NPHP4: variants seen among roughly 807,000 people sequenced by gnomAD.
NPHP4 encodes the protein nephrocystin-4.
A neutral mutation model predicts 155.8 loss-of-function variants in NPHP4; 151 were observed. That is an observed-to-expected ratio of 0.97 (90% CI 0.85 to 1.11). The LOEUF is 1.11. Ranked by LOEUF, NPHP4 falls within the 50% of genes least tolerant of loss-of-function variation. NPHP4 has a pLI of 0.00. For synonymous variants in NPHP4, 845 were observed against 816.8 expected (o/e 1.03, Z -0.59); for missense variants, 1,956 against 1,925.7 (o/e 1.02, Z -0.29).
intron 16 of NPHP4, among the ~76,000 whole-genome samples, chr1:5,902,849 T>C (rs137976486): frequency 2.1e-4 from 32 of 152,318 alleles, no homozygotes; most frequent in African/African-American, 7.7e-4. Flanking sequence ...ATGGAATAAT[T>C]AGAAGCACAT....
chr1:5,873,182 G>A, intron 23 of NPHP4, 70 bp downstream of exon 23: 1 of 1,344,860 alleles, frequency 7.4e-7, no homozygotes, highest in Non-Finnish European at 1.1e-6. Context: ...GGGAGAGAAG[G>A]ACACAAGGGT....
intron 28 of NPHP4, 69 bp from the exon 29 acceptor site, chr1:5,864,102 T>G: frequency 1.3e-6 from 2 of 1,553,976 alleles, no homozygotes; most frequent in Non-Finnish European, 1.8e-6. Context: ...TTCCTCCAAG[T>G]ATTCCCTGAG....
At chr1:5,974,428 A>G (rs1653155847) in intron 3 of NPHP4, among the ~76,000 whole-genome samples, 1 of 152,234 alleles carries the variant, frequency 6.6e-6, no homozygotes, top group Non-Finnish European at 1.5e-5. Context: ...TCATTAAGGA[A>G]AGAATCCAAG....
At chr1:5,925,780 T>C (rs1458960359) in intron 11 of NPHP4, among the ~76,000 whole-genome samples, 1 of 152,140 alleles carries the variant, frequency 6.6e-6, no homozygotes, top group Admixed American at 6.5e-5. Context: ...CACATCCAGC[T>C]AATTTTTTGT....
chr1:5,905,408 A>G lies in NPHP4; in HGVS notation c.1839T>C (p.Asn613=), dbSNP rs751517244. The G allele has an allele frequency of 6.2e-7, 1 of 1,613,232 alleles. No homozygotes were observed. Among genetic ancestry groups the G allele is most frequent in the South Asian group, 1.1e-5 (1 of 91,062 alleles). The change falls in exon 15 of 30, where the codon AAT becomes AAC. Residue 613 remains asparagine, a synonymous_variant. Coordinates refer to ENST00000378156, the MANE Select transcript of NPHP4 (RefSeq NM_015102.5). The surrounding 1 kb of genome is among the most constrained non-coding windows in gnomAD (Gnocchi z 4.0). ...CGCTGACAGCCTCGGCTGGCTGTTT[A>G]TTGGCATCCAGAATCTCGGGAAAGC... ...SSGFPEILDA[N]KQPAEAVSAT...
chr1:5,973,167 G>A (rs552003811), intron 3 of NPHP4, among the ~76,000 whole-genome samples: 4 of 152,336 alleles, frequency 2.6e-5, no homozygotes, highest in African/African-American at 9.6e-5. Context: ...TTACAGGCAT[G>A]AGCCACTGCA....
At chr1:5,975,924 C>T (rs908202841) in intron 3 of NPHP4, among the ~76,000 whole-genome samples, 1 of 152,160 alleles carries the variant, frequency 6.6e-6, no homozygotes, top group Non-Finnish European at 1.5e-5. Flanking sequence ...TGGAAGCCCC[C>T]GCTTCTGGCC....
intron 11 of NPHP4, among the ~76,000 whole-genome samples, chr1:5,911,102 T>G (rs141269350): frequency 3.8e-4 from 58 of 152,310 alleles, no homozygotes; most frequent in African/African-American, 1.3e-3. Flanking sequence ...AGTTAGCAAA[T>G]GATCTAGCAA....
rs1445077202 is a variant in NPHP4, at chr1:5,867,086, G to C, written c.3502C>G (p.Pro1168Ala). ...GAPVGMLGED[P>A]PVHVRCSDPN... Reference sequence around the variant, plus strand: ...TCGCTGCAGCGAACATGGACTGGGGGGTCCTCACCAAGCATTCCCACCGGA... The same window carrying C: ...TCGCTGCAGCGAACATGGACTGGGGCGTCCTCACCAAGCATTCCCACCGGA... Residue 1168 changes from proline to alanine, a missense_variant, in exon 25 of 30, where the codon CCC becomes GCC. Coordinates refer to ENST00000378156, the MANE Select transcript of NPHP4 (RefSeq NM_015102.5). This position sits in a 1 kb window ranked among gnomAD's most constrained non-coding sequence, Gnocchi z 4.1. 1 of 1,612,870 alleles carries C rather than the reference G, an allele frequency of 6.2e-7. No homozygotes were observed. Among genetic ancestry groups the C allele is most frequent in the Admixed American group, 1.7e-5 (1 of 59,906 alleles).
chr1:5,953,653 C>T (rs376288434), intron 6 of NPHP4, among the ~76,000 whole-genome samples: 2 of 152,240 alleles, frequency 1.3e-5, no homozygotes, highest in South Asian at 4.1e-4. Context: ...AGGGTCCCAT[C>T]CAGAGGACAG....
At chr1:5,986,581 A>C (rs1161176418) in intron 1 of NPHP4, among the ~76,000 whole-genome samples, 1 of 152,246 alleles carries the variant, frequency 6.6e-6, no homozygotes, top group Non-Finnish European at 1.5e-5. Context: ...AATTTATGAA[A>C]GCTGTACAAT....
At chr1:5,873,097 G>A (rs1015024267) in intron 23 of NPHP4, among the ~76,000 whole-genome samples, 155 bp downstream of exon 23, 5 of 152,254 alleles carry the variant, frequency 3.3e-5, no homozygotes, top group South Asian at 2.1e-4. Context: ...CCTGCCCAGC[G>A]AGGACACGGA....
chr1:5,890,942 C>A lies in NPHP4; in HGVS notation c.2230G>T (p.Val744Leu), dbSNP rs199712626. ...ERRCFARYLA[V>L]QTLQIDVWDG... ...CAGACGTCAATCTGCAGGGTCTGCA[C>A]GGCCAGGTAGCGGGCAAAGCAGCGC... The change falls in exon 17 of 30, where the codon GTG (valine) becomes TTG (leucine). Residue 744 changes from valine (V) to leucine (L), a missense_variant. Coordinates refer to ENST00000378156, the MANE Select transcript of NPHP4 (RefSeq NM_015102.5). This position sits in a 1 kb window ranked among gnomAD's most constrained non-coding sequence, Gnocchi z 4.9. 3.1e-6 allele frequency: 5 copies of A among 1,607,328 alleles called. No individual in the cohort carries two copies. In the Admixed American group the frequency reaches 5.0e-5, roughly 16 times the overall value.
chr1:5,919,755 T>G, intron 11 of NPHP4, among the ~76,000 whole-genome samples: 1 of 152,010 alleles, frequency 6.6e-6, no homozygotes, highest in East Asian at 1.9e-4. Context: ...GTTTTTTTTT[T>G]TAGAGGCAAA....
At chr1:5,984,392 G>T (rs1284406336) in intron 2 of NPHP4, among the ~76,000 whole-genome samples, 1 of 152,020 alleles carries the variant, frequency 6.6e-6, no homozygotes, top group African/African-American at 2.4e-5. Flanking sequence ...AACTTAGCCG[G>T]GCATGGTGGC....
chr1:5,976,157 C>A (rs1157692118), intron 3 of NPHP4, among the ~76,000 whole-genome samples: 2 of 152,154 alleles, frequency 1.3e-5, no homozygotes, highest in Admixed American at 6.5e-5. Context: ...GCAGGTGGAG[C>A]CGTCAGATGC....
At chr1:5,980,785 C>T (rs1654550300) in intron 2 of NPHP4, among the ~76,000 whole-genome samples, 1 of 151,962 alleles carries the variant, frequency 6.6e-6, no homozygotes, top group Non-Finnish European at 1.5e-5. Context: ...GTGGTGTTAT[C>T]CATGAGGACA....
At chr1:5,965,539 T>C (rs1440063750) in intron 5 of NPHP4, among the ~76,000 whole-genome samples, 2 of 152,210 alleles carry the variant, frequency 1.3e-5, no homozygotes, top group Non-Finnish European at 2.9e-5. Context: ...AGTTCCTGAC[T>C]GGTTGTTCTC....
At chr1:5,981,399 T>C (rs1654670826) in intron 2 of NPHP4, among the ~76,000 whole-genome samples, 1 of 152,128 alleles carries the variant, frequency 6.6e-6, no homozygotes, top group Non-Finnish European at 1.5e-5. Flanking sequence ...CATATCGTGG[T>C]GCCCAATACA....
Sources: gnomAD v4.1 joint callset for allele counts (sites outside exome capture counted in the v4.1 genomes callset) on GRCh38, gnomAD v4.1.1 for gene constraint, Gnocchi (gnomAD v3.1) non-coding constraint, MANE v1.5 for transcripts, NCBI Gene and HGNC (gene_info 2026-07-23, HGNC 2026-07-21) for gene names.